The following NELL1 variants were observed in gnomAD, a reference collection of about 807,000 sequenced individuals.
NELL1 encodes protein kinase C-binding protein NELL1.
Under a neutral mutation model 107.4 loss-of-function variants are expected in NELL1, and 76 were observed. The observed-to-expected ratio is 0.71, with a 90% CI of 0.59 to 0.86. NELL1 has a LOEUF of 0.86. NELL1 is among the 40% of genes least tolerant of loss of function. NELL1 has a pLI of 0.00. For missense variants in NELL1, 1,024 were observed against 1,005.5 expected (o/e 1.02, Z -0.25); for synonymous variants, 353 against 341.2 (o/e 1.03, Z -0.38).
At chr11:21,308,918 T>A (rs1299802688) in intron 14 of NELL1, among the ~76,000 whole-genome samples, 1 of 151,822 alleles carries the variant, frequency 6.6e-6, no homozygotes, top group Non-Finnish European at 1.5e-5. Flanking sequence ...GGAAAAGAGT[T>A]TAGGAGCAAG....
intron 3 of NELL1, 58 bp downstream of exon 3, chr11:20,783,888 T>C: frequency 6.7e-7 from 1 of 1,482,728 alleles, no homozygotes; most frequent in Non-Finnish European, 9.0e-7. Flanking sequence ...TTATACAAAA[T>C]GTCTTGGGAT....
intron 12 of NELL1, among the ~76,000 whole-genome samples, chr11:21,025,200 AG>A (rs1852787483): frequency 6.6e-6 from 1 of 152,136 alleles, no homozygotes; most frequent in South Asian, 2.1e-4. Context: ...GTGCTCAAAA[AG>A]TACTTGAATA....
intron 12 of NELL1, among the ~76,000 whole-genome samples, chr11:21,112,932 C>A (rs894274388): frequency 6.6e-6 from 1 of 152,100 alleles, no homozygotes; most frequent in African/African-American, 2.4e-5. Flanking sequence ...TTATTTTAAT[C>A]CCTATCACGA....
At chr11:21,256,616 T>G (rs947556002) in intron 14 of NELL1, among the ~76,000 whole-genome samples, 3 of 152,076 alleles carry the variant, frequency 2.0e-5, no homozygotes, top group African/African-American at 7.2e-5. Flanking sequence ...GACCTAAAAA[T>G]GCTCACTTTT....
At chr11:20,751,942 T>C (rs1440174009) in intron 2 of NELL1, among the ~76,000 whole-genome samples, 3 of 152,224 alleles carry the variant, frequency 2.0e-5, no homozygotes, top group Non-Finnish European at 4.4e-5. Context: ...CTGAATCCAC[T>C]GATTTTGGTA....
intron 14 of NELL1, among the ~76,000 whole-genome samples, chr11:21,362,842 G>A (rs1037125252): frequency 2.0e-5 from 3 of 152,134 alleles, no homozygotes; most frequent in African/African-American, 7.2e-5. Flanking sequence ...CTCTCCTTGG[G>A]TGGGGCTTGC....
At chr11:21,375,213 C>T (rs1851446824) in intron 15 of NELL1, among the ~76,000 whole-genome samples, 1 of 151,972 alleles carries the variant, frequency 6.6e-6, no homozygotes, top group African/African-American at 2.4e-5. Context: ...CCTCCTTTCC[C>T]ACTCTAGTCG....
chr11:21,493,099 T>A (rs891007319), intron 15 of NELL1, among the ~76,000 whole-genome samples: 1 of 151,980 alleles, frequency 6.6e-6, no homozygotes, highest in African/African-American at 2.4e-5. Flanking sequence ...CAGATGATAG[T>A]GAGTATGCAG....
intron 15 of NELL1, among the ~76,000 whole-genome samples, chr11:21,493,534 A>G (rs2133920155): frequency 6.6e-6 from 1 of 152,156 alleles, no homozygotes; most frequent in East Asian, 1.9e-4. Flanking sequence ...AGCTAAAAAA[A>G]AAAAAATTGA....
chr11:21,544,551 A>T (rs1188721425), intron 16 of NELL1, among the ~76,000 whole-genome samples: 1 of 152,086 alleles, frequency 6.6e-6, no homozygotes, highest in East Asian at 1.9e-4. Flanking sequence ...ATAAAAGTAA[A>T]TATTAATATC....
chr11:20,695,167 C>T (rs751553577), intron 2 of NELL1, among the ~76,000 whole-genome samples: 3 of 152,030 alleles, frequency 2.0e-5, no homozygotes, highest in Non-Finnish European at 4.4e-5. Flanking sequence ...TTACTGAAGT[C>T]GTTTATGAGT....
chr11:20,998,757 T>C (rs1852149882), intron 12 of NELL1, among the ~76,000 whole-genome samples: 1 of 152,212 alleles, frequency 6.6e-6, no homozygotes, highest in South Asian at 2.1e-4. Flanking sequence ...GCTTGAGAAC[T>C]GCTGCCTGTG....
At chr11:20,763,411 G>A (rs1856464631) in intron 2 of NELL1, among the ~76,000 whole-genome samples, 1 of 152,040 alleles carries the variant, frequency 6.6e-6, no homozygotes, top group Non-Finnish European at 1.5e-5. Context: ...TGGATTCTGG[G>A]ATAGAAATAT....
intron 12 of NELL1, among the ~76,000 whole-genome samples, chr11:21,080,303 C>T (rs948858872): frequency 7.9e-5 from 12 of 151,998 alleles, no homozygotes; most frequent in African/African-American, 2.7e-4. Flanking sequence ...TATCTCAGAC[C>T]ACCAACAGCC....
chr11:20,876,849 G>A (rs1466488890), intron 4 of NELL1, among the ~76,000 whole-genome samples: 2 of 152,214 alleles, frequency 1.3e-5, no homozygotes, highest in Non-Finnish European at 1.5e-5. Flanking sequence ...GTCACAGTCA[G>A]TAAACTTTGA....
chr11:20,901,888 CA>C (rs768456977), intron 5 of NELL1, among the ~76,000 whole-genome samples: 112 of 152,118 alleles, frequency 7.4e-4, no homozygotes, highest in African/African-American at 2.4e-3. Flanking sequence ...TTAGGAAAAT[CA>C]GTTATTTAAA....
chr11:21,336,809 T>C (rs1850412969), intron 14 of NELL1, among the ~76,000 whole-genome samples: 1 of 151,826 alleles, frequency 6.6e-6, no homozygotes, highest in African/African-American at 2.4e-5. Flanking sequence ...ACTGAAGTTA[T>C]TATATTAAAG....
At chr11:20,705,121 C>T (rs968761740) in intron 2 of NELL1, among the ~76,000 whole-genome samples, 2 of 152,168 alleles carry the variant, frequency 1.3e-5, no homozygotes, top group African/African-American at 4.8e-5. Context: ...ACATCCCCAT[C>T]AAGCTACCAA....
chr11:21,030,700 A>G (rs1852934828), intron 12 of NELL1, among the ~76,000 whole-genome samples: 2 of 151,576 alleles, frequency 1.3e-5, no homozygotes, highest in Non-Finnish European at 2.9e-5. Context: ...TTTTGCAAAA[A>G]AGATGTTCTA....
Sources: allele counts gnomAD v4.1 joint callset (sites outside exome capture counted in the v4.1 genomes callset), GRCh38; gene constraint gnomAD v4.1.1; transcripts MANE v1.5; gene names NCBI Gene and HGNC (gene_info 2026-07-23, HGNC 2026-07-21).